COL5A2: variants seen among roughly 807,000 people sequenced by gnomAD.
COL5A2 encodes collagen type V alpha 2 chain.
COL5A2 carries 23 observed loss-of-function variants against 208.2 expected under a neutral mutation model. That is an observed-to-expected ratio of 0.11 (90% CI 0.08 to 0.16). The LOEUF (loss-of-function observed/expected upper bound fraction) is 0.16. COL5A2 is among the 10% of genes least tolerant of loss of function. COL5A2 has a pLI of 1.00. For missense variants in COL5A2, 1,590 were observed against 1,956.4 expected, an observed-to-expected ratio of 0.81 and a Z score of 3.53; for synonymous variants, 625 against 628.5, an observed-to-expected ratio of 0.99 and a Z score of 0.08.
chr2:189,377,669 C>T, the COL5A2 span, among the ~76,000 whole-genome samples: 1 of 152,096 alleles, frequency 6.6e-6, no homozygotes, highest in Non-Finnish European at 1.5e-5. Flanking sequence ...TTTGCAGATC[C>T]ACCAAAAGTG....
chr2:189,115,650 G>C (rs1687374455), intron 1 of COL5A2, among the ~76,000 whole-genome samples: 1 of 152,174 alleles, frequency 6.6e-6, no homozygotes, highest in Admixed American at 6.5e-5. Flanking sequence ...ACACAGGTTT[G>C]TGCTGATCAT....
At position 189,045,262 on chromosome 2, in the gene COL5A2, G is replaced by A. The variant is rs531651902; in HGVS notation, c.3310-30C>T. The A allele has an allele frequency of 4.5e-6, 7 of 1,544,786 alleles. No individual in the cohort carries two copies. The East Asian group carries it at 6.8e-5, about 15-fold the overall frequency. On this transcript the variant is annotated intron_variant, in intron 46 of 53. Coordinates refer to ENST00000374866, the MANE Select transcript of COL5A2 (RefSeq NM_000393.5). ...AAGAAATTTACAACAAAAAAAATTG[G>A]CATGTAAAAAAGATATTCACATATT... is the stretch of plus-strand genomic sequence containing the variant.
chr2:189,325,324 AT>A, the COL5A2 span, among the ~76,000 whole-genome samples: 2 of 140,530 alleles, frequency 1.4e-5, no homozygotes, highest in East Asian at 2.1e-4. Flanking sequence ...ATAAAAAAAA[AT>A]ATATATATAT....
the COL5A2 span, among the ~76,000 whole-genome samples, chr2:189,389,891 C>T: frequency 1.3e-5 from 2 of 152,162 alleles, no homozygotes; most frequent in African/African-American, 4.8e-5. Flanking sequence ...AAAAACTGGA[C>T]AGAAGATACT....
the COL5A2 span, among the ~76,000 whole-genome samples, chr2:189,344,847 C>T: frequency 7.2e-5 from 11 of 152,308 alleles, no homozygotes; most frequent in South Asian, 2.3e-3. Flanking sequence ...GGGCAGGTAG[C>T]TGCTTAGGAG....
At chr2:189,144,743 G>A (rs897163202) in intron 1 of COL5A2, among the ~76,000 whole-genome samples, 2 of 152,186 alleles carry the variant, frequency 1.3e-5, no homozygotes, top group Admixed American at 6.6e-5. Flanking sequence ...ACCAGTCAGC[G>A]TGAGTAGAAC....
the COL5A2 span, among the ~76,000 whole-genome samples, chr2:189,378,228 G>A: frequency 1.7e-3 from 252 of 152,060 alleles, 1 homozygote; most frequent in African/African-American, 5.6e-3. Flanking sequence ...AAGGATATGA[G>A]GCAGTTTAGA....
In COL5A2 at chr2:189,083,995, C is replaced by T; in HGVS notation, c.841G>A (p.Ala281Thr). 6.2e-7 allele frequency: 1 copy of T among 1,613,020 alleles called. No individual in the cohort carries two copies. The highest frequency in any genetic ancestry group is 1.3e-5 in the African/African-American group (1 of 75,000). Residue 281 changes from alanine to threonine, a missense_variant, in exon 12 of 54, where the codon GCA becomes ACA. Transcript: ENST00000374866. ...RNGNPGEVGFAGSPGARGFPG... is the reference protein window; with the variant it reads ...RNGNPGEVGFTGSPGARGFPG... ...GAGTATAAACTTACCGGAGATCCTG[C>T]AAATCCCACTTCACCAGGATTTCCA...
chr2:189,121,509 TG>T (rs1687498874), intron 1 of COL5A2, among the ~76,000 whole-genome samples: 1 of 151,598 alleles, frequency 6.6e-6, no homozygotes, highest in Non-Finnish European at 1.5e-5. Flanking sequence ...GGAGGAGGGG[TG>T]GGGCTCTTGC....
chr2:189,149,267 T>C (rs1045960401), intron 1 of COL5A2, among the ~76,000 whole-genome samples: 5 of 152,222 alleles, frequency 3.3e-5, no homozygotes, highest in Admixed American at 2.6e-4. Context: ...TCTTATATGT[T>C]GCTTCAAAAA....
chr2:189,355,411 G>A, the COL5A2 span, among the ~76,000 whole-genome samples: 1 of 152,134 alleles, frequency 6.6e-6, no homozygotes, highest in African/African-American at 2.4e-5. Context: ...TTTTGTGGGA[G>A]TCTAAGTCTC....
chr2:189,079,863 A>G, intron 14 of COL5A2, 115 bp downstream of exon 14: 1 of 889,508 alleles, frequency 1.1e-6, no homozygotes, highest in Non-Finnish European at 1.9e-6. Flanking sequence ...TTACCTAACC[A>G]TTTGTTTGTA....
At chr2:189,247,670 C>T in the COL5A2 span, among the ~76,000 whole-genome samples, 2 of 151,782 alleles carry the variant, frequency 1.3e-5, no homozygotes, top group Non-Finnish European at 2.9e-5. Context: ...ACCTCCACCT[C>T]CTGGACTCAA....
the COL5A2 span, among the ~76,000 whole-genome samples, chr2:189,403,511 T>C: frequency 6.6e-6 from 1 of 152,232 alleles, no homozygotes; most frequent in African/African-American, 2.4e-5. Context: ...TCAAAGGGAA[T>C]GCTTTAAGCT....
chr2:189,066,975 A>T (rs1254993151), intron 21 of COL5A2, among the ~76,000 whole-genome samples, 193 bp from the exon 22 acceptor site: 1 of 152,200 alleles, frequency 6.6e-6, no homozygotes, highest in African/African-American at 2.4e-5. Context: ...AAAATTCAGT[A>T]TAATTTGGAA....
intron 7 of COL5A2, among the ~76,000 whole-genome samples, chr2:189,089,300 T>C (rs1362470216): frequency 1.3e-5 from 2 of 152,218 alleles, no homozygotes; most frequent in African/African-American, 2.4e-5. Context: ...AATGAATCCC[T>C]GAATGTTCCA....
At chr2:189,179,427 C>G (rs911798155) in intron 1 of COL5A2, 81 bp downstream of exon 1, 2 of 1,500,062 alleles carry the variant, frequency 1.3e-6, no homozygotes, top group Non-Finnish European at 1.8e-6. Context: ...CTCCTCTTCA[C>G]GCTCTTCCTG....
chr2:189,219,077 CA>C (rs950269510), intron 1 of COL5A2, among the ~76,000 whole-genome samples: 13 of 152,156 alleles, frequency 8.5e-5, no homozygotes, highest in African/African-American at 3.1e-4. Flanking sequence ...GCCACTGATG[CA>C]GCAAAAAAAT....
intron 6 of COL5A2, among the ~76,000 whole-genome samples, chr2:189,095,313 T>A (rs1686883896): frequency 6.6e-6 from 1 of 152,162 alleles, no homozygotes; most frequent in Non-Finnish European, 1.5e-5. Context: ...AAGCTATACA[T>A]CATTTCATAT....
Sources: gnomAD v4.1 joint callset for allele counts (sites outside exome capture counted in the v4.1 genomes callset) on GRCh38, gnomAD v4.1.1 for gene constraint, MANE v1.5 for transcripts, NCBI Gene and HGNC (gene_info 2026-07-23, HGNC 2026-07-21) for gene names.